The following ABCA12 variants were observed in gnomAD, a reference collection of about 807,000 sequenced individuals.
ABCA12 encodes glucosylceramide transporter ABCA12.
A neutral mutation model predicts 293.5 loss-of-function variants in ABCA12; 156 were observed. The observed-to-expected ratio is 0.53, with a 90% CI of 0.47 to 0.61. The LOEUF (loss-of-function observed/expected upper bound fraction) is 0.61, where lower values mean the gene tolerates loss of function less well. ABCA12 is among the 20% of genes least tolerant of loss of function. ABCA12 has a pLI of 0.00. For synonymous variants in ABCA12, 1,063 were observed against 1,108.0 expected, an observed-to-expected ratio of 0.96 and a Z score of 0.81; for missense variants, 2,797 against 3,090.2, an observed-to-expected ratio of 0.91 and a Z score of 2.25.
chr2:214,957,160 T>C (rs10498028), intron 41 of ABCA12, among the ~76,000 whole-genome samples: 28,564 of 152,182 alleles, frequency 0.19, 4,956 homozygotes, highest in African/African-American at 0.46. Context: ...TGCTGGAACT[T>C]TCTCAGATGG....
Position 215,138,533 on chromosome 2 carries a change from G to A in ABCA12, c.-325C>T, listed in dbSNP as rs1164742824. On this transcript the variant is annotated 5_prime_UTR_variant, in exon 1 of 53. Transcript: ENST00000272895. ...ACGAAGTCCAGACTCAAGAGAGAAT[G>A]AGCATCATTCAGATAATGCCTCACT... The A allele has an allele frequency of 5.9e-6, 2 of 341,696 alleles. No homozygotes were observed. Among genetic ancestry groups the A allele is most frequent in the African/African-American group, 2.1e-5 (1 of 46,708 alleles). 21.2% of individuals were successfully genotyped at this position (341,696 alleles called of 1,614,324 possible).
chr2:215,079,036 C>G (rs967041303), intron 2 of ABCA12, among the ~76,000 whole-genome samples: 18 of 152,134 alleles, frequency 1.2e-4, no homozygotes, highest in African/African-American at 4.3e-4. Flanking sequence ...ATTTAGTGAA[C>G]CTTCAGTAGC....
chr2:215,000,861 T>C lies in ABCA12; in HGVS notation c.3023A>G (p.His1008Arg). The part of the protein sequence containing the change: ...LRTKIWAPGP[H>R]NSPSHNQIYG... Reference sequence around the variant, plus strand: ...GATCTGGTTGTGTGATGGAGAATTGTGTGGCCCTGGAGCCCAAATCTTGGT... The same window carrying C: ...GATCTGGTTGTGTGATGGAGAATTGCGTGGCCCTGGAGCCCAAATCTTGGT... The change falls in exon 22 of 53, where the codon CAC (histidine) becomes CGC (arginine). Residue 1008 changes from histidine (H) to arginine (R), a missense_variant. Transcript: ENST00000272895. The C allele has an allele frequency of 6.2e-7, 1 of 1,614,176 alleles. No individual in the cohort carries two copies. The highest frequency in any genetic ancestry group is 1.3e-5 in the African/African-American group (1 of 75,050).
At chr2:215,078,926 C>A (rs1701885028) in intron 2 of ABCA12, among the ~76,000 whole-genome samples, 1 of 152,118 alleles carries the variant, frequency 6.6e-6, no homozygotes, top group Non-Finnish European at 1.5e-5. Context: ...TAAATCCTAC[C>A]CACGGGTCCA....
chr2:214,966,244 G>A (rs1305573209), intron 39 of ABCA12, among the ~76,000 whole-genome samples: 14 of 152,166 alleles, frequency 9.2e-5, no homozygotes, highest in Non-Finnish European at 1.9e-4. Flanking sequence ...AGAGCGCAGA[G>A]GATGGAAGGA....
chr2:214,957,469 T>A (rs1214916729), intron 41 of ABCA12, among the ~76,000 whole-genome samples: 1 of 152,218 alleles, frequency 6.6e-6, no homozygotes, highest in African/African-American at 2.4e-5. Context: ...TGAAATTTTC[T>A]TAACATTAAA....
chr2:215,001,792 T>C, intron 20 of ABCA12, 55 bp from the exon 21 acceptor site: 1 of 1,491,774 alleles, frequency 6.7e-7, no homozygotes, highest in East Asian at 2.3e-5. Context: ...ATTCTGGTCG[T>C]AATTAGATGA....
At position 214,955,278 on chromosome 2, in the gene ABCA12, T is replaced by G; in HGVS notation, c.6317A>C (p.Asn2106Thr). Residue 2106 changes from asparagine (N) to threonine (T), a missense_variant, in exon 43 of 53, where the codon AAC (asparagine) becomes ACC (threonine). By Grantham distance (65) the Asn-to-Thr change is moderately conservative. This residue lies in a region of ABCA12 where 2,130 missense variants were observed against 2,427.0 expected (regional missense o/e 0.88). Transcript: ENST00000272895. The part of the protein sequence containing the change: ...GMAFITYVCV[N>T]LFFGINSIVS... ...AATGGAATTAATGCCAAAAAACAAG[T>G]TGACACAGACGTAAGTGATGAAGGC... 6.2e-7 allele frequency: 1 copy of G among 1,614,116 alleles called. No homozygotes were observed. Among genetic ancestry groups the G allele is most frequent in the Non-Finnish European group, 8.5e-7 (1 of 1,179,992 alleles).
chr2:215,043,572 T>TTTG (rs138336317), intron 7 of ABCA12, among the ~76,000 whole-genome samples: 62 of 151,550 alleles, frequency 4.1e-4, no homozygotes, highest in African/African-American at 1.1e-3. Context: ...TTGTGGAATT[T>TTTG]TTGTTGTTGT....
chr2:215,105,579 ACACACACACACACACACACACG>A (rs1309665242), intron 2 of ABCA12, among the ~76,000 whole-genome samples: 4 of 116,300 alleles, frequency 3.4e-5, no homozygotes, highest in South Asian at 2.3e-4. Context: ...GGGCTTCAAG[ACACACACACACACACACACACG>A]CACACACACA....
At chr2:215,081,495 A>AAAAAAAAAAAAAAAG (rs1553541627) in intron 2 of ABCA12, among the ~76,000 whole-genome samples, 2 of 127,500 alleles carry the variant, frequency 1.6e-5, no homozygotes, top group African/African-American at 2.9e-5. Flanking sequence ...AAAAAAAAGA[A>AAAAAAAAAAAAAAAG]AAAGAAAAAA....
chr2:215,014,620 T>C (rs1175227685), intron 15 of ABCA12, among the ~76,000 whole-genome samples: 1 of 151,920 alleles, frequency 6.6e-6, no homozygotes, highest in Non-Finnish European at 1.5e-5. Flanking sequence ...TGCAAGGTGC[T>C]AGGGAGAGGG....
rs188923476 is a variant in ABCA12, at chr2:215,106,480, C to T, written c.163+5117G>A. Among the ~76,000 whole-genome samples the T allele has an allele frequency of 5.5e-4, 84 of 152,166 alleles. 2 individuals carry two copies. The highest frequency in any genetic ancestry group is 3.4e-3 in the Admixed American group (52 of 15,278). On this transcript the variant is annotated intron_variant, in intron 2 of 52. Transcript: ENST00000272895. ...CATGACCCAGATAAAACCATCTGTC[C>T]GCAGGTATCTTATCCAAAAATCCAG...
chr2:214,990,974 T>A lies in ABCA12; in HGVS notation c.3352A>T (p.Ser1118Cys). ...CSHFFAWLIE[S>C]VGFLLVTIVI... ...ATGGTAACCAGTAAAAATCCAACAC[T>A]CTCTATAAGCCAGGCAAAGAAATGG... The change falls in exon 24 of 53, where the codon AGT (serine) becomes TGT (cysteine). Residue 1118 changes from serine to cysteine, a missense_variant. Ser to Cys is a moderately radical substitution (Grantham distance 112). Coordinates refer to ENST00000272895, the MANE Select transcript of ABCA12 (RefSeq NM_173076.3). The A allele has an allele frequency of 6.2e-7, 1 of 1,613,924 alleles. No individual in the cohort carries two copies. Among genetic ancestry groups the A allele is most frequent in the Non-Finnish European group, 8.5e-7 (1 of 1,179,978 alleles).
chr2:215,042,825 C>T (rs1701126196), intron 7 of ABCA12, among the ~76,000 whole-genome samples: 1 of 152,080 alleles, frequency 6.6e-6, no homozygotes, highest in African/African-American at 2.4e-5. Flanking sequence ...TAACTTTCTA[C>T]CCCTTGATCA....
chr2:215,053,999 G>A (rs1020793748), intron 4 of ABCA12, among the ~76,000 whole-genome samples: 1 of 152,016 alleles, frequency 6.6e-6, no homozygotes, highest in East Asian at 1.9e-4. Flanking sequence ...GTCTCTGCAC[G>A]TGAAAATTTG....
Position 214,978,356 on chromosome 2 carries a change from G to C in ABCA12, c.5088C>G (p.Asp1696Glu), listed in dbSNP as rs369801502. 1.9e-6 allele frequency: 3 copies of C among 1,613,980 alleles called. No individual in the cohort carries two copies. In the East Asian group the frequency reaches 6.7e-5, roughly 36 times the overall value. The change falls in exon 33 of 53, where the codon GAC becomes GAG. Residue 1696 changes from aspartate to glutamate, a missense_variant. Asp to Glu is a conservative substitution (Grantham distance 45). Transcript: ENST00000272895. The stretch of plus-strand genomic sequence containing the variant: ...AATTGCTGCTGCTCACAGATAAATC[G>C]TCAGGAGTTGAGATGCCATTGGCAT... ...NSNANGISTPDDLSVSSSNFT... is the reference protein window; with the variant it reads ...NSNANGISTPEDLSVSSSNFT...
Position 215,000,828 on chromosome 2 carries a change from C to A in ABCA12, c.3056G>T (p.Arg1019Met). The A allele has an allele frequency of 6.2e-7, 1 of 1,614,068 alleles. No individual in the cohort carries two copies. The highest frequency in any genetic ancestry group is 8.5e-7 in the Non-Finnish European group (1 of 1,179,990). The change falls in exon 22 of 53, where the codon AGG (arginine) becomes ATG (methionine). Residue 1019 changes from arginine to methionine, a missense_variant. Physicochemically the swap from Arg to Met is moderately conservative, Grantham distance 91. Coordinates refer to ENST00000272895, the MANE Select transcript of ABCA12 (RefSeq NM_173076.3). Reference sequence around the variant, plus strand: ...ACTATCCTGTAAATAAATAAAAGCCCTGCCATAGATCTGGTTGTGTGATGG... The same window carrying A: ...ACTATCCTGTAAATAAATAAAAGCCATGCCATAGATCTGGTTGTGTGATGG... ...NSPSHNQIYG[R>M]AFIYLQDSIE...
At chr2:214,937,356 G>A (rs1217770194) in intron 51 of ABCA12, among the ~76,000 whole-genome samples, 154 bp downstream of exon 51, 1 of 152,102 alleles carries the variant, frequency 6.6e-6, no homozygotes, top group Non-Finnish European at 1.5e-5. Context: ...GTGCCACCAT[G>A]CCCAGCTAAT....
Sources: gnomAD v4.1 joint callset for allele counts (sites outside exome capture counted in the v4.1 genomes callset) on GRCh38, gnomAD v4.1.1 for gene constraint, gnomAD v4.1.1 regional missense constraint, MANE v1.5 for transcripts, NCBI Gene and HGNC (gene_info 2026-07-23, HGNC 2026-07-21) for gene names.